RNLS: variants seen among roughly 807,000 people sequenced by gnomAD.
The protein encoded by RNLS is renalase.
A neutral mutation model predicts 39.8 loss-of-function variants in RNLS; 39 were observed. That is an observed-to-expected ratio of 0.98 (90% CI 0.76 to 1.28). The LOEUF is 1.28. Ranked by LOEUF, RNLS falls within the 50% of genes most tolerant of loss-of-function variation. RNLS has a pLI of 0.00. For missense variants in RNLS, 410 were observed against 413.3 expected, an observed-to-expected ratio of 0.99 and a Z score of 0.07; for synonymous variants, 147 against 150.7, an observed-to-expected ratio of 0.98 and a Z score of 0.18.
chr10:88,314,279 G>T (rs1480925288), intron 6 of RNLS, among the ~76,000 whole-genome samples, 187 bp downstream of exon 6: 2 of 152,152 alleles, frequency 1.3e-5, no homozygotes, highest in African/African-American at 4.8e-5. Context: ...TGCACTTCTT[G>T]TTGAGAAACA....
At chr10:88,450,618 C>CG (rs5786822) in intron 4 of RNLS, among the ~76,000 whole-genome samples, 8,884 of 152,264 alleles carry the variant, frequency 0.058, 356 homozygotes, top group Middle Eastern at 0.14. Context: ...GTGAGGAAAA[C>CG]GGGGGCCTAC....
the RNLS span, among the ~76,000 whole-genome samples, chr10:88,207,486 A>G: frequency 5.9e-5 from 9 of 152,198 alleles, no homozygotes; most frequent in Admixed American, 5.9e-4. Flanking sequence ...ATACTACTAC[A>G]CAGGTACTAG....
intron 4 of RNLS, among the ~76,000 whole-genome samples, chr10:88,530,723 T>C (rs532537804): frequency 9.2e-5 from 14 of 152,198 alleles, no homozygotes; most frequent in Non-Finnish European, 1.5e-4. Context: ...TTGATAATTC[T>C]CATAGTGACT....
chr10:88,231,091 G>C, the RNLS span, among the ~76,000 whole-genome samples: 1 of 151,988 alleles, frequency 6.6e-6, no homozygotes, highest in East Asian at 1.9e-4. Flanking sequence ...TAATCATATA[G>C]CATTTTCTTT....
chr10:88,550,505 G>A (rs1848556113), intron 4 of RNLS, among the ~76,000 whole-genome samples: 1 of 152,096 alleles, frequency 6.6e-6, no homozygotes, highest in Non-Finnish European at 1.5e-5. Flanking sequence ...GATAGAGAAA[G>A]ACTCAAGAAA....
chr10:88,318,757 A>G (rs1475672117), intron 5 of RNLS, among the ~76,000 whole-genome samples: 1 of 152,212 alleles, frequency 6.6e-6, no homozygotes, highest in Non-Finnish European at 1.5e-5. Flanking sequence ...AAAAGTCTTT[A>G]TGAACTGAAG....
chr10:88,522,544 G>T (rs1401006659), intron 4 of RNLS, among the ~76,000 whole-genome samples: 1 of 152,000 alleles, frequency 6.6e-6, no homozygotes, highest in African/African-American at 2.4e-5. Context: ...TTAAAACCAA[G>T]ATTTATACAA....
chr10:88,361,183 G>A (rs1849614096), intron 5 of RNLS, among the ~76,000 whole-genome samples: 2 of 152,128 alleles, frequency 1.3e-5, no homozygotes, highest in South Asian at 4.1e-4. Flanking sequence ...AACCCCACAG[G>A]GTTAGGGCGC....
chr10:88,404,114 T>A (rs1228545893), intron 4 of RNLS, among the ~76,000 whole-genome samples: 1 of 152,074 alleles, frequency 6.6e-6, no homozygotes, highest in Non-Finnish European at 1.5e-5. Flanking sequence ...GATAAGATTG[T>A]GGAATTTACA....
the RNLS span, among the ~76,000 whole-genome samples, chr10:88,185,088 T>C: frequency 2.6e-5 from 4 of 152,166 alleles, no homozygotes; most frequent in Admixed American, 1.3e-4. Context: ...AGGCCGAGGT[T>C]ACATAGTAGA....
chr10:88,406,024 T>G (rs937798896), intron 4 of RNLS, among the ~76,000 whole-genome samples: 1 of 152,028 alleles, frequency 6.6e-6, no homozygotes. Context: ...TGATAATTGT[T>G]TTGTTTGAGG....
At chr10:88,416,976 G>A (rs1311238989) in intron 4 of RNLS, among the ~76,000 whole-genome samples, 1 of 152,154 alleles carries the variant, frequency 6.6e-6, no homozygotes, top group African/African-American at 2.4e-5. Context: ...CCAGATTCTT[G>A]TCCTATGTCT....
the RNLS span, among the ~76,000 whole-genome samples, chr10:88,263,109 G>GT: frequency 6.6e-6 from 1 of 152,072 alleles, no homozygotes; most frequent in African/African-American, 2.4e-5. Flanking sequence ...ATTGTGAGTA[G>GT]TAAGTGTAAT....
intron 4 of RNLS, among the ~76,000 whole-genome samples, chr10:88,365,453 C>G (rs1849993332): frequency 6.6e-6 from 1 of 151,060 alleles, no homozygotes; most frequent in African/African-American, 2.4e-5. Context: ...AGGCCCAATT[C>G]CAATATAATA....
In RNLS at chr10:88,296,762, G is replaced by C. The variant is rs117430795; in HGVS notation, c.877-11256C>G. Among the ~76,000 whole-genome samples the C allele has an allele frequency of 6.1e-3, 925 of 152,206 alleles. 5 individuals carry two copies. The highest frequency in any genetic ancestry group is 0.033 in the East Asian group (170 of 5,182). ...ATATACAGTTGTGTAACAGCCACTA[G>C]AAATAACAGAGAACATTTCCACCAC... On this transcript the variant is annotated intron_variant, in intron 6 of 6. Transcript: ENST00000331772.
At chr10:88,553,727 T>C (rs1466924654) in intron 4 of RNLS, among the ~76,000 whole-genome samples, 1 of 152,162 alleles carries the variant, frequency 6.6e-6, no homozygotes, top group Non-Finnish European at 1.5e-5. Context: ...TAATTCTACA[T>C]TGTACCACAT....
At chr10:88,441,549 G>C (rs998427345) in intron 4 of RNLS, among the ~76,000 whole-genome samples, 1 of 152,164 alleles carries the variant, frequency 6.6e-6, no homozygotes, top group African/African-American at 2.4e-5. Flanking sequence ...CTAGGTTTGG[G>C]ATGCCTGTTG....
At chr10:88,437,881 C>A (rs1841498050) in intron 4 of RNLS, among the ~76,000 whole-genome samples, 2 of 152,008 alleles carry the variant, frequency 1.3e-5, no homozygotes, top group Admixed American at 6.5e-5. Flanking sequence ...AATCTCAGCA[C>A]TTTGGGAGGC....
At chr10:88,178,337 G>C in the RNLS span, among the ~76,000 whole-genome samples, 2 of 152,160 alleles carry the variant, frequency 1.3e-5, no homozygotes, top group Non-Finnish European at 2.9e-5. Flanking sequence ...GCAGCAGCCT[G>C]GTTCCTGGGG....
Sources: gnomAD v4.1 joint callset for allele counts (sites outside exome capture counted in the v4.1 genomes callset) on GRCh38, gnomAD v4.1.1 for gene constraint, MANE v1.5 for transcripts, NCBI Gene and HGNC (gene_info 2026-07-23, HGNC 2026-07-21) for gene names.